The following MCUB variants were observed in gnomAD, a reference collection of about 807,000 sequenced individuals.
MCUB encodes the protein mitochondrial calcium uniporter dominant negative subunit beta, also known as calcium uniporter regulatory subunit MCUb, mitochondrial.
MCUB carries 46 observed loss-of-function variants against 41.4 expected under a neutral mutation model. That is an observed-to-expected ratio of 1.11 (90% CI 0.88 to 1.42). The LOEUF (loss-of-function observed/expected upper bound fraction) is 1.42, where lower values mean the gene tolerates loss of function less well. Ranked by LOEUF, MCUB falls within the 40% of genes most tolerant of loss-of-function variation. MCUB has a pLI of 0.00. For synonymous variants in MCUB, 148 were observed against 148.2 expected, an observed-to-expected ratio of 1.00 and a Z score of 0.01; for missense variants, 403 against 404.9, an observed-to-expected ratio of 1.00 and a Z score of 0.04.
chr4:109,675,122 TTCTC>T (rs953247637), intron 4 of MCUB, among the ~76,000 whole-genome samples: 5 of 152,256 alleles, frequency 3.3e-5, no homozygotes, highest in African/African-American at 1.2e-4. Context: ...AAAAGAATAA[TTCTC>T]TCTCATTTTT....
At chr4:109,605,767 C>T (rs1417870535) in intron 1 of MCUB, among the ~76,000 whole-genome samples, 1 of 152,070 alleles carries the variant, frequency 6.6e-6, no homozygotes, top group Non-Finnish European at 1.5e-5. Context: ...ATATATAATT[C>T]CCTGTTCTAG....
chr4:109,687,469 GTT>G, intron 7 of MCUB, 44 bp from the exon 8 acceptor site: 1 of 1,330,456 alleles, frequency 7.5e-7, no homozygotes, highest in Non-Finnish European at 1.1e-6. Flanking sequence ...ATGTTGGTAT[GTT>G]TCTCTTCTTT....
At chr4:109,649,909 C>G (rs1405495367) in intron 1 of MCUB, among the ~76,000 whole-genome samples, 1 of 152,066 alleles carries the variant, frequency 6.6e-6, no homozygotes, top group Non-Finnish European at 1.5e-5. Flanking sequence ...AAGGACTCAT[C>G]CTGAGAATCC....
At chr4:109,666,881 T>C (rs1729357473) in intron 4 of MCUB, among the ~76,000 whole-genome samples, 1 of 152,214 alleles carries the variant, frequency 6.6e-6, no homozygotes, top group Admixed American at 6.6e-5. Flanking sequence ...TCTGTTGATA[T>C]GATGGATTAC....
At chr4:109,681,828 G>GAA (rs1157882955) in intron 4 of MCUB, among the ~76,000 whole-genome samples, 4 of 152,250 alleles carry the variant, frequency 2.6e-5, no homozygotes, top group African/African-American at 9.6e-5. Flanking sequence ...GACAGTGAGC[G>GAA]AAAGCTCAGC....
At chr4:109,593,408 T>C (rs1727484245) in intron 1 of MCUB, among the ~76,000 whole-genome samples, 1 of 152,238 alleles carries the variant, frequency 6.6e-6, no homozygotes, top group Non-Finnish European at 1.5e-5. Flanking sequence ...ACTGGAACTT[T>C]AAGCCCCACT....
chr4:109,682,595 T>C lies in MCUB; in HGVS notation c.465T>C (p.Asn155=), dbSNP rs202191981. The C allele has an allele frequency of 2.5e-6, 4 of 1,608,292 alleles. No individual in the cohort carries two copies. The highest frequency in any genetic ancestry group is 2.2e-5 in the South Asian group (2 of 89,742). Residue 155 remains asparagine (N), a synonymous_variant, in exon 5 of 8, where the codon AAT becomes AAC. Coordinates refer to ENST00000394650, the MANE Select transcript of MCUB (RefSeq NM_017918.5). ...VQCPKREKPS[N]EHTAEMEHMK... ...GTCTTTTCTCAGAAAAACCAAGTAA[T>C]GAGCACACTGCTGAGATGGAACACA... is the stretch of plus-strand genomic sequence containing the variant.
intron 4 of MCUB, among the ~76,000 whole-genome samples, chr4:109,670,720 AAAAAAAAAAAAG>A (rs1254955199): frequency 1.5e-5 from 2 of 130,862 alleles, no homozygotes; most frequent in African/African-American, 7.1e-5. Flanking sequence ...CTCTGTCTCC[AAAAAAAAAAAAG>A]AAAAAGAAAA....
intron 1 of MCUB, among the ~76,000 whole-genome samples, chr4:109,643,437 A>G (rs879740693): frequency 3.3e-5 from 5 of 151,274 alleles, no homozygotes; most frequent in Non-Finnish European, 7.4e-5. Context: ...CACCTGCCTC[A>G]GCCTCCCAAA....
At chr4:109,636,111 A>C (rs56077978) in intron 1 of MCUB, among the ~76,000 whole-genome samples, 7 of 152,122 alleles carry the variant, frequency 4.6e-5, no homozygotes, top group African/African-American at 7.2e-5. Flanking sequence ...TAACTGACCC[A>C]GCTTGGAGCT....
At chr4:109,657,082 G>A (rs940670410) in intron 1 of MCUB, among the ~76,000 whole-genome samples, 1 of 152,094 alleles carries the variant, frequency 6.6e-6, no homozygotes, top group African/African-American at 2.4e-5. Flanking sequence ...AGCCAGGCAT[G>A]GTGGCAGGTG....
chr4:109,584,462 C>CTCTGA (rs1727257122), intron 1 of MCUB, among the ~76,000 whole-genome samples: 1 of 152,094 alleles, frequency 6.6e-6, no homozygotes, highest in Non-Finnish European at 1.5e-5. Flanking sequence ...TTCAGTTCTG[C>CTCTGA]TCTGATCTTA....
At chr4:109,660,609 G>A (rs569959553) in intron 3 of MCUB, among the ~76,000 whole-genome samples, 1 of 152,174 alleles carries the variant, frequency 6.6e-6, no homozygotes, top group South Asian at 2.1e-4. Context: ...CTGAGGTCAG[G>A]AGTTCGAGAC....
intron 1 of MCUB, among the ~76,000 whole-genome samples, chr4:109,600,194 T>A (rs1205573195): frequency 2.0e-5 from 3 of 152,210 alleles, no homozygotes; most frequent in Non-Finnish European, 4.4e-5. Context: ...AGATCTTGCT[T>A]CTAGTTTTAG....
chr4:109,685,217 ATGT>A (rs745996596), intron 6 of MCUB, 31 bp from the exon 7 acceptor site: 7 of 871,898 alleles, frequency 8.0e-6, no homozygotes, highest in East Asian at 4.8e-5. Flanking sequence ...CATTCAAAAC[ATGT>A]TGTTTTCTTC....
chr4:109,598,156 A>G (rs149771), intron 1 of MCUB, among the ~76,000 whole-genome samples: 71,016 of 136,946 alleles, frequency 0.52, 18,370 homozygotes, highest in South Asian at 0.66. Flanking sequence ...GACGATGGGC[A>G]GCCAGGCAGA....
At chr4:109,598,192 T>G in intron 1 of MCUB, among the ~76,000 whole-genome samples, 1 of 145,394 alleles carries the variant, frequency 6.9e-6, no homozygotes, top group African/African-American at 2.5e-5. Context: ...CCAGACGGGG[T>G]GGCGGCCGGG....
chr4:109,621,669 A>G (rs1579069872), intron 1 of MCUB, among the ~76,000 whole-genome samples: 1 of 152,212 alleles, frequency 6.6e-6, no homozygotes, highest in Non-Finnish European at 1.5e-5. Context: ...TTAAGCTTCT[A>G]CACTGTAATA....
chr4:109,654,606 G>T (rs371588163), intron 1 of MCUB, among the ~76,000 whole-genome samples: 16 of 151,934 alleles, frequency 1.1e-4, no homozygotes, highest in East Asian at 5.8e-4. Context: ...GCAAGACTCC[G>T]TCTCAGGAGA....
Sources: allele counts gnomAD v4.1 joint callset (sites outside exome capture counted in the v4.1 genomes callset), GRCh38; gene constraint gnomAD v4.1.1; transcripts MANE v1.5; gene names NCBI Gene and HGNC (gene_info 2026-07-23, HGNC 2026-07-21).